The following GP6 variants were observed in gnomAD, a reference collection of about 807,000 sequenced individuals.
GP6 encodes glycoprotein VI platelet.
Under a neutral mutation model 37.3 loss-of-function variants are expected in GP6, and 45 were observed. The ratio of observed to expected loss-of-function variants is 1.21; its 90% CI spans 0.95 to 1.55. GP6 has a LOEUF of 1.55. Among genes scored for constraint, GP6 ranks in the 40% most tolerant of loss-of-function variants. The probability of loss-of-function intolerance (pLI) is 0.00; values close to 1 mark genes in which losing one functional copy is unlikely to be tolerated. For missense variants in GP6, 813 were observed against 760.2 expected (o/e 1.07, Z -0.82); for synonymous variants, 340 against 316.4 (o/e 1.07, Z -0.79).
chr19:55,019,065 G>A (rs1364019201), intron 5 of GP6, among the ~76,000 whole-genome samples: 1 of 148,404 alleles, frequency 6.7e-6, no homozygotes, highest in Non-Finnish European at 1.5e-5. Context: ...GTAACTCTGT[G>A]TTTTACTTTT....
At chr19:55,032,787 T>C (rs2074616035) in intron 1 of GP6, 1 of 615,338 alleles carries the variant, frequency 1.6e-6, no homozygotes, top group South Asian at 1.9e-5. Context: ...AGCAGATCCA[T>C]GGCTGGGGGT....
intron 1 of GP6, among the ~76,000 whole-genome samples, chr19:55,035,262 G>A (rs2074786185): frequency 6.6e-6 from 1 of 152,114 alleles, no homozygotes; most frequent in Non-Finnish European, 1.5e-5. Context: ...AGAGCACAGT[G>A]GTGGTTACCG....
intron 5 of GP6, among the ~76,000 whole-genome samples, chr19:55,022,735 A>C (rs1280473477): frequency 6.6e-6 from 1 of 152,240 alleles, no homozygotes; most frequent in Non-Finnish European, 1.5e-5. Context: ...AGAGAGCCAA[A>C]TCATGAAGGA....
chr19:55,021,524 T>C (rs1412984668), intron 5 of GP6, among the ~76,000 whole-genome samples: 9 of 144,040 alleles, frequency 6.2e-5, no homozygotes, highest in African/African-American at 2.3e-4. Context: ...TTGTTGGTTT[T>C]TTTTTTTTTT....
intron 1 of GP6, among the ~76,000 whole-genome samples, chr19:55,033,412 C>T (rs367623812): frequency 3.3e-4 from 22 of 65,882 alleles, no homozygotes; most frequent in East Asian, 1.0e-3. Context: ...ACACGGTGGG[C>T]TCGTTCGTGT....
Position 55,027,714 on chromosome 19 carries a change from C to T in GP6, c.474G>A (p.Glu158=), listed in dbSNP as rs969065691. The change falls in exon 4 of 8, where the codon GAG becomes GAA. Residue 158 remains glutamate, a synonymous_variant. Coordinates refer to ENST00000310373, the MANE Select transcript of GP6 (RefSeq NM_001083899.2). ...TGGGAAAACTAGCCCTGTACCATCT[C>T]TCGGGATTCTTGTAGGGCGCAGGGT... 3.1e-6 allele frequency: 5 copies of T among 1,613,694 alleles called. No individual in the cohort carries two copies. The African/African-American group carries it at 5.3e-5, about 17-fold the overall frequency.
intron 3 of GP6, among the ~76,000 whole-genome samples, chr19:55,028,333 T>A (rs939225833): frequency 6.6e-6 from 1 of 152,230 alleles, no homozygotes; most frequent in Admixed American, 6.5e-5. Flanking sequence ...TCCAAACTTA[T>A]GATGTATATC....
chr19:55,015,113 C>T lies in GP6; in HGVS notation c.832G>A (p.Gly278Ser), dbSNP rs60843302. The change falls in exon 8 of 8, where the codon GGC (glycine) becomes AGC (serine). Residue 278 changes from glycine (G) to serine (S), a missense_variant. Gly to Ser is a moderately conservative substitution (Grantham distance 56). Coordinates refer to ENST00000310373, the MANE Select transcript of GP6 (RefSeq NM_001083899.2). Reference sequence around the variant, plus strand: ...CCGCCAGGATTATTAGGATCACAGCCCCGAGGCATATCCGGACCAGGTTGC... The same window carrying T: ...CCGCCAGGATTATTAGGATCACAGCTCCGAGGCATATCCGGACCAGGTTGC... The T allele has an allele frequency of 6.5e-4, 1,031 of 1,586,206 alleles. 7 individuals are homozygous for T. In the African/African-American group the frequency reaches 0.012, roughly 18 times the overall value.
intron 3 of GP6, among the ~76,000 whole-genome samples, chr19:55,028,216 G>A (rs1054434284): frequency 1.3e-5 from 2 of 152,240 alleles, no homozygotes; most frequent in Non-Finnish European, 2.9e-5. Flanking sequence ...CCTAGCAAGC[G>A]CTGGAGTAAG....
At chr19:55,018,381 T>C (rs1290289223) in intron 6 of GP6, among the ~76,000 whole-genome samples, 1 of 152,246 alleles carries the variant, frequency 6.6e-6, no homozygotes, top group African/African-American at 2.4e-5. Context: ...AGCCTAGGAC[T>C]TCATCCTGGG....
At chr19:55,032,437 C>A (rs745426989) in intron 2 of GP6, 41 bp from the exon 3 acceptor site, 3 of 1,611,764 alleles carry the variant, frequency 1.9e-6, no homozygotes, top group African/African-American at 2.7e-5. Context: ...CCCGCAGACC[C>A]CGCCTGGACC....
At chr19:55,017,140 G>A (rs958360203) in intron 6 of GP6, among the ~76,000 whole-genome samples, 45 of 147,796 alleles carry the variant, frequency 3.0e-4, no homozygotes, top group African/African-American at 9.0e-4. Context: ...TTTTTAATAC[G>A]GAGTCTCACT....
Position 55,027,844 on chromosome 19 carries a change from G to C in GP6, c.344C>G (p.Ser115Trp), listed in dbSNP as rs773447414. 3.1e-6 allele frequency: 5 copies of C among 1,614,068 alleles called. No individual in the cohort carries two copies. The highest frequency in any genetic ancestry group is 4.2e-6 in the Non-Finnish European group (5 of 1,180,008). Residue 115 changes from serine to tryptophan, a missense_variant, in exon 4 of 8, where the codon TCG (serine) becomes TGG (tryptophan). By Grantham distance (177) the Ser-to-Trp change is radical. Coordinates refer to ENST00000310373, the MANE Select transcript of GP6 (RefSeq NM_001083899.2). ...CGCCGGGCCGGGCTGGGCTGAGAGC[G>C]AGGGTTTGGCAAAAACTCCTGGGAG... is the stretch of plus-strand genomic sequence containing the variant.
chr19:55,018,904 TC>T, intron 5 of GP6, 193 bp from the exon 6 acceptor site: 1 of 641,964 alleles, frequency 1.6e-6, no homozygotes, highest in Admixed American at 2.4e-5. Context: ...GCAGATCCGT[TC>T]AGCAATTGAT....
chr19:55,033,061 CACG>C (rs1216929241), intron 1 of GP6, among the ~76,000 whole-genome samples: 1 of 34,776 alleles, frequency 2.9e-5, no homozygotes, highest in African/African-American at 9.1e-5. Context: ...TTGTGTTAGA[CACG>C]GTGGACTCGT....
At position 55,024,309 on chromosome 19, in the gene GP6, T is replaced by TGCACGCACACGCAC. The variant is rs1357661954; in HGVS notation, c.664+908_664+909insGTGCGTGTGCGTGC. Among the ~76,000 whole-genome samples the TGCACGCACACGCAC allele has an allele frequency of 2.9e-3, 378 of 130,012 alleles. 8 individuals carry two copies. Among genetic ancestry groups the TGCACGCACACGCAC allele is most frequent in the African/African-American group, 5.5e-3 (184 of 33,362 alleles). 85.3% of individuals were successfully genotyped at this position (130,012 alleles called of 152,430 possible). ...ACACATATGCACGCATGCACACACA[T>TGCACGCACACGCAC]ATGCACGCACACACACATATGCACG... On this transcript the variant is annotated intron_variant, in intron 5 of 7. Transcript: ENST00000310373.
chr19:55,033,823 G>A (rs12609758), intron 1 of GP6, among the ~76,000 whole-genome samples: 3 of 152,070 alleles, frequency 2.0e-5, no homozygotes, highest in Non-Finnish European at 4.4e-5. Flanking sequence ...GCCTCAGCGT[G>A]TAAGTCAGGA....
At chr19:55,023,811 G>A (rs968660052) in intron 5 of GP6, among the ~76,000 whole-genome samples, 6 of 152,200 alleles carry the variant, frequency 3.9e-5, no homozygotes, top group African/African-American at 1.2e-4. Context: ...CAGGGGCATT[G>A]CACTGAGTGA....
intron 1 of GP6, among the ~76,000 whole-genome samples, chr19:55,033,016 A>G (rs113730773): frequency 0.036 from 1,695 of 47,536 alleles, 346 homozygotes; most frequent in Middle Eastern, 0.049. Flanking sequence ...GACGCGGTGG[A>G]CTCGTTCGTG....
Sources: allele counts gnomAD v4.1 joint callset (sites outside exome capture counted in the v4.1 genomes callset), GRCh38; gene constraint gnomAD v4.1.1; transcripts MANE v1.5; gene names NCBI Gene and HGNC (gene_info 2026-07-23, HGNC 2026-07-21).